The following COX7B2 variants were observed in gnomAD, a reference collection of about 807,000 sequenced individuals.
The protein encoded by COX7B2 is cytochrome c oxidase subunit 7B2, also known as cytochrome c oxidase subunit 7B2, mitochondrial.
For synonymous variants in COX7B2, 37 were observed against 32.1 expected, an observed-to-expected ratio of 1.15 and a Z score of -0.51; for missense variants, 109 against 95.9, an observed-to-expected ratio of 1.14 and a Z score of -0.57.
intron 2 of COX7B2, among the ~76,000 whole-genome samples, chr4:46,804,006 T>C (rs959826448): frequency 2.6e-5 from 4 of 152,110 alleles, no homozygotes; most frequent in Admixed American, 6.5e-5. Flanking sequence ...AGGCAGCATG[T>C]CTGGAGTTTG....
intron 2 of COX7B2, among the ~76,000 whole-genome samples, chr4:46,793,993 C>T (rs550845174): frequency 4.6e-5 from 7 of 152,276 alleles, no homozygotes; most frequent in African/African-American, 1.7e-4. Context: ...TCCCCTGAAG[C>T]AACTGCCATG....
chr4:46,782,487 G>GTGTCTAGCTCAAGGTT (rs1278576908), intron 2 of COX7B2, among the ~76,000 whole-genome samples: 14 of 152,070 alleles, frequency 9.2e-5, no homozygotes, highest in Admixed American at 3.9e-4. Context: ...TCAGCTCTCT[G>GTGTCTAGCTCAAGGTT]TAAAATGGGC....
At chr4:46,837,964 T>C (rs751804293) in intron 2 of COX7B2, among the ~76,000 whole-genome samples, 4 of 151,990 alleles carry the variant, frequency 2.6e-5, no homozygotes, top group African/African-American at 4.8e-5. Context: ...ATTGTAAACA[T>C]TGAAGACATG....
At chr4:46,855,863 TTTTCATAGTTTTAAAACAC>T (rs1346014983) in intron 1 of COX7B2, among the ~76,000 whole-genome samples, 3 of 152,118 alleles carry the variant, frequency 2.0e-5, no homozygotes, top group Non-Finnish European at 4.4e-5. Flanking sequence ...TGACAAGTAA[TTTTCATAGTTTTAAAACAC>T]TTTCATAGTT....
intron 1 of COX7B2, among the ~76,000 whole-genome samples, chr4:46,884,619 C>T (rs146103653): frequency 6.6e-6 from 1 of 152,068 alleles, no homozygotes; most frequent in Non-Finnish European, 1.5e-5. Flanking sequence ...AGCAGATGAA[C>T]CCAGCAAGCC....
At chr4:46,750,140 C>G (rs1278338668) in intron 2 of COX7B2, among the ~76,000 whole-genome samples, 1 of 150,394 alleles carries the variant, frequency 6.6e-6, no homozygotes, top group Non-Finnish European at 1.5e-5. Flanking sequence ...GTGGAAGGAT[C>G]GCTTGAGGCC....
chr4:46,761,514 C>T (rs992638654), intron 2 of COX7B2, among the ~76,000 whole-genome samples: 2 of 152,092 alleles, frequency 1.3e-5, no homozygotes, highest in African/African-American at 4.8e-5. Flanking sequence ...TGAACTGTTC[C>T]TGTTTCTGTT....
chr4:46,794,446 G>A (rs1268302734), intron 2 of COX7B2, among the ~76,000 whole-genome samples: 5 of 152,196 alleles, frequency 3.3e-5, no homozygotes, highest in East Asian at 1.9e-4. Context: ...TTAGGAAGAC[G>A]GAACTGTTAG....
At chr4:46,901,676 C>T (rs909855732) in intron 1 of COX7B2, among the ~76,000 whole-genome samples, 3 of 152,188 alleles carry the variant, frequency 2.0e-5, no homozygotes, top group South Asian at 2.1e-4. Flanking sequence ...CTCACTAATG[C>T]GGACTTACGT....
chr4:46,830,324 C>CAAAA (rs201868075), intron 2 of COX7B2, among the ~76,000 whole-genome samples: 1 of 82,148 alleles, frequency 1.2e-5, no homozygotes, highest in Non-Finnish European at 2.5e-5. Context: ...ACTCTGTCTC[C>CAAAA]AAAAAAAAAA....
At chr4:46,842,576 G>A (rs1230410167) in intron 2 of COX7B2, among the ~76,000 whole-genome samples, 7 of 145,750 alleles carry the variant, frequency 4.8e-5, no homozygotes, top group East Asian at 2.2e-4. Context: ...AACAGTCCCC[G>A]GTGTGTGATG....
At chr4:46,806,889 A>T (rs183838673) in intron 2 of COX7B2, among the ~76,000 whole-genome samples, 6 of 152,146 alleles carry the variant, frequency 3.9e-5, no homozygotes, top group African/African-American at 1.2e-4. Context: ...TTGTATTTAC[A>T]CACTACTATT....
At chr4:46,780,471 C>A (rs539825590) in intron 2 of COX7B2, among the ~76,000 whole-genome samples, 2 of 152,084 alleles carry the variant, frequency 1.3e-5, no homozygotes, top group Non-Finnish European at 2.9e-5. Context: ...GAGCCAAGAT[C>A]GTGCCACTGC....
intron 2 of COX7B2, among the ~76,000 whole-genome samples, chr4:46,793,719 T>C (rs565632439): frequency 2.0e-5 from 3 of 152,218 alleles, no homozygotes; most frequent in African/African-American, 7.2e-5. Context: ...AATCTCATCC[T>C]GTGACTGACT....
intron 1 of COX7B2, among the ~76,000 whole-genome samples, chr4:46,873,549 T>G (rs1718136917): frequency 6.6e-6 from 1 of 152,204 alleles, no homozygotes. Context: ...TGGTTTTGAT[T>G]TGCATTTGTC....
chr4:46,750,018 G>A (rs1715256484), intron 2 of COX7B2, among the ~76,000 whole-genome samples: 2 of 152,244 alleles, frequency 1.3e-5, no homozygotes, highest in East Asian at 1.9e-4. Flanking sequence ...TTCACTGGGT[G>A]TACATTCCTA....
chr4:46,852,222 T>C (rs1374100348), intron 1 of COX7B2, among the ~76,000 whole-genome samples: 1 of 152,132 alleles, frequency 6.6e-6, no homozygotes, highest in Non-Finnish European at 1.5e-5. Context: ...TGTTTTATTC[T>C]GGACGTTAAA....
intron 2 of COX7B2, among the ~76,000 whole-genome samples, chr4:46,740,297 A>C (rs1714628126): frequency 6.6e-6 from 1 of 152,086 alleles, no homozygotes; most frequent in Non-Finnish European, 1.5e-5. Context: ...ACAGTGTTAG[A>C]GTTTCAGGAC....
At chr4:46,860,187 G>A (rs1214745403) in intron 1 of COX7B2, among the ~76,000 whole-genome samples, 1 of 152,198 alleles carries the variant, frequency 6.6e-6, no homozygotes, top group African/African-American at 2.4e-5. Flanking sequence ...GCAGTGAGAT[G>A]GTGACTGATG....
Sources: gnomAD v4.1 joint callset for allele counts (sites outside exome capture counted in the v4.1 genomes callset) on GRCh38, gnomAD v4.1.1 for gene constraint, MANE v1.5 for transcripts, NCBI Gene and HGNC (gene_info 2026-07-23, HGNC 2026-07-21) for gene names.